GLI3: variants seen among roughly 807,000 people sequenced by gnomAD.
The protein encoded by GLI3 is GLI family zinc finger 3.
In GLI3, 20 loss-of-function variants were observed where a neutral mutation model predicts 100.8. That is an observed-to-expected ratio of 0.20 (90% CI 0.14 to 0.29). The LOEUF (loss-of-function observed/expected upper bound fraction) is 0.29, where lower values mean the gene tolerates loss of function less well. GLI3 is among the 10% of genes least tolerant of loss of function. The pLI, the probability that GLI3 is intolerant of heterozygous loss-of-function variation, is 1.00. For missense variants in GLI3, 2,040 were observed against 2,128.5 expected (o/e 0.96, Z 0.82); for synonymous variants, 938 against 860.5 (o/e 1.09, Z -1.58).
At chr7:42,052,946 G>A (rs1784380575) in intron 4 of GLI3, among the ~76,000 whole-genome samples, 1 of 152,144 alleles carries the variant, frequency 6.6e-6, no homozygotes. Flanking sequence ...TTACCTAACG[G>A]AGCCATCTTC....
At chr7:41,980,813 C>T (rs1270867593) in intron 10 of GLI3, among the ~76,000 whole-genome samples, 1 of 152,174 alleles carries the variant, frequency 6.6e-6, no homozygotes, top group Non-Finnish European at 1.5e-5. Context: ...TGCTGGGTGC[C>T]ACTCACACCA....
In GLI3 at chr7:42,074,691, G is replaced by A. The variant is rs182242014; in HGVS notation, c.473+2061C>T. ...TAGCGTCCACCCAGGGCCCTGCCAGGATGCACTAAAACCAGGCAGTCCCAG... is the reference window on the plus strand; with the variant it reads ...TAGCGTCCACCCAGGGCCCTGCCAGAATGCACTAAAACCAGGCAGTCCCAG... On this transcript the variant is annotated intron_variant, in intron 4 of 14. Transcript: ENST00000395925. Among the ~76,000 whole-genome samples the A allele has an allele frequency of 1.0e-3, 157 of 152,210 alleles. 2 individuals carry two copies. The highest frequency in any genetic ancestry group is 6.6e-4 in the Non-Finnish European group (45 of 68,002).
chr7:41,989,921 A>G (rs1226547685), intron 10 of GLI3, among the ~76,000 whole-genome samples: 1 of 139,544 alleles, frequency 7.2e-6, no homozygotes, highest in Non-Finnish European at 1.5e-5. Flanking sequence ...GCTACCTGAG[A>G]GGCTGTAGTG....
chr7:42,144,316 C>T (rs142607158), intron 3 of GLI3, among the ~76,000 whole-genome samples: 7 of 152,230 alleles, frequency 4.6e-5, no homozygotes, highest in East Asian at 1.9e-4. Flanking sequence ...ACCCCTACCA[C>T]GCTCCCCCAA....
chr7:42,147,446 G>T (rs1157520803), intron 3 of GLI3, among the ~76,000 whole-genome samples: 2 of 152,182 alleles, frequency 1.3e-5, no homozygotes, highest in Non-Finnish European at 2.9e-5. Context: ...CTGGCAAGGT[G>T]ATAAATCTGT....
intron 3 of GLI3, among the ~76,000 whole-genome samples, chr7:42,110,636 T>C (rs1209782877): frequency 6.6e-6 from 1 of 152,254 alleles, no homozygotes; most frequent in Non-Finnish European, 1.5e-5. Flanking sequence ...ACACTTGGTT[T>C]TGTGAATACC....
intron 5 of GLI3, among the ~76,000 whole-genome samples, chr7:42,047,967 C>T (rs995820747): frequency 6.6e-6 from 1 of 152,184 alleles, no homozygotes; most frequent in African/African-American, 2.4e-5. Context: ...TGCAGAATCA[C>T]GTTTTATCAG....
chr7:42,089,687 G>A (rs371562041), intron 3 of GLI3, among the ~76,000 whole-genome samples: 1 of 152,078 alleles, frequency 6.6e-6, no homozygotes, highest in Admixed American at 6.6e-5. Flanking sequence ...ATTTAAAGAC[G>A]TATTTTCTAG....
At position 42,148,304 on chromosome 7, in the gene GLI3, C is replaced by T. The variant is rs746891909; in HGVS notation, c.289G>A (p.Val97Met). The T allele has an allele frequency of 3.7e-6, 6 of 1,613,372 alleles. No individual in the cohort carries two copies. The highest frequency in any genetic ancestry group is 2.2e-5 in the East Asian group (1 of 44,838). Reference protein sequence around the residue: ...KKEIHGSLPHVAEPSVPYRGT... With the variant: ...KKEIHGSLPHMAEPSVPYRGT... ...CGGTACGGCACAGAGGGCTCCGCCA[C>T]GTGTGGCAGGGACCCATGGATCTCT... The change falls in exon 3 of 15, where the codon GTG (valine) becomes ATG (methionine). Residue 97 changes from valine (V) to methionine (M), a missense_variant. Val to Met is a conservative substitution (Grantham distance 21, BLOSUM62 1). Transcript: ENST00000395925.
At chr7:42,016,921 G>A (rs1788781874) in intron 10 of GLI3, among the ~76,000 whole-genome samples, 1 of 152,038 alleles carries the variant, frequency 6.6e-6, no homozygotes, top group African/African-American at 2.4e-5. Context: ...ATGCTTTTAT[G>A]TTTCCTTATC....
chr7:42,190,730 A>G (rs1381991619), intron 2 of GLI3, among the ~76,000 whole-genome samples: 1 of 152,208 alleles, frequency 6.6e-6, no homozygotes, highest in East Asian at 1.9e-4. Context: ...AGGACAAAAA[A>G]GAAAAACTAA....
rs1359215444 is a variant in GLI3, at chr7:41,972,679, C to A, written c.1813-52G>T. The A allele has an allele frequency of 4.7e-6, 7 of 1,489,320 alleles. No homozygotes were observed. Among genetic ancestry groups the A allele is most frequent in the Non-Finnish European group, 5.5e-6 (6 of 1,082,134 alleles). The allele number at this position is 1,489,320 out of a possible 1,614,324, so 92.3% of individuals were successfully genotyped here. On this transcript the variant is annotated intron_variant, in intron 12 of 14. Coordinates refer to ENST00000395925, the MANE Select transcript of GLI3 (RefSeq NM_000168.6). The surrounding 1 kb of genome is among the most constrained non-coding windows in gnomAD (Gnocchi z 4.4). ...AGAGATTGTTATGAAAGAGACTATG[C>A]CCCAGCCCAAAAGTCCTTTATGGTT...
chr7:42,007,009 G>A (rs921951494), intron 10 of GLI3, among the ~76,000 whole-genome samples: 1 of 152,088 alleles, frequency 6.6e-6, no homozygotes, highest in Non-Finnish European at 1.5e-5. Flanking sequence ...CAGGCAGCAG[G>A]TGAGGCTCTC....
upstream of GLI3, chr7:42,238,000 GCCGCCTCCT>G (rs1229228771): frequency 6.2e-5 from 9 of 146,170 alleles, no homozygotes; most frequent in Non-Finnish European, 7.8e-5. Context: ...CGCCGCCGCC[GCCGCCTCCT>G]CCTCCTCCTC....
chr7:42,001,070 C>A (rs1158281726), intron 10 of GLI3, among the ~76,000 whole-genome samples: 2 of 151,582 alleles, frequency 1.3e-5, no homozygotes, highest in African/African-American at 2.4e-5. Flanking sequence ...CATGGTGAAA[C>A]CCTGTCTCTA....
intron 3 of GLI3, among the ~76,000 whole-genome samples, chr7:42,118,785 T>C (rs569749603): frequency 3.3e-5 from 5 of 152,314 alleles, no homozygotes; most frequent in African/African-American, 1.2e-4. Flanking sequence ...ACAGTAAGCA[T>C]AGAATGACAG....
chr7:42,167,652 G>T (rs530581801), intron 2 of GLI3, among the ~76,000 whole-genome samples: 4 of 152,324 alleles, frequency 2.6e-5, no homozygotes, highest in Admixed American at 2.0e-4. Context: ...TCTTAAAAAG[G>T]TAGGGCATTT....
chr7:41,965,752 C>A lies in GLI3; in HGVS notation c.3321G>T (p.Gly1107=). ...VQYLNSQNQA[G]YEQHFPSALP... is the part of the protein sequence containing the mutation. ...GGGCGCTGGGGAAGTGCTGCTCGTA[C>A]CCTGCTTGGTTCTGGGAATTTAAAT... Residue 1107 remains glycine, a synonymous_variant, in exon 15 of 15, where the codon GGG becomes GGT. Transcript: ENST00000395925. The A allele has an allele frequency of 6.2e-7, 1 of 1,613,538 alleles. No individual in the cohort carries two copies. The highest frequency in any genetic ancestry group is 1.7e-5 in the Admixed American group (1 of 60,018).
intron 3 of GLI3, among the ~76,000 whole-genome samples, chr7:42,137,593 G>T (rs1447729512): frequency 1.3e-5 from 2 of 152,038 alleles, no homozygotes; most frequent in Non-Finnish European, 2.9e-5. Context: ...CTGACCTAAG[G>T]CACAACATTC....
Sources: gnomAD v4.1 joint callset for allele counts (sites outside exome capture counted in the v4.1 genomes callset) on GRCh38, gnomAD v4.1.1 for gene constraint, Gnocchi (gnomAD v3.1) non-coding constraint, MANE v1.5 for transcripts, NCBI Gene and HGNC (gene_info 2026-07-23, HGNC 2026-07-21) for gene names.